Variants in KIAA1755 observed in about 807,000 individuals in gnomAD.
KIAA1755 encodes the protein KIAA1755.
Under a neutral mutation model 91.7 loss-of-function variants are expected in KIAA1755, and 68 were observed. The observed-to-expected ratio is 0.74, with a 90% CI of 0.61 to 0.91. KIAA1755 has a LOEUF of 0.91. Ranked by LOEUF, KIAA1755 falls within the 40% of genes least tolerant of loss-of-function variation. The pLI, the probability that KIAA1755 is intolerant of heterozygous loss-of-function variation, is 0.00. For missense variants in KIAA1755, 1,535 were observed against 1,494.4 expected (o/e 1.03, Z -0.45); for synonymous variants, 610 against 604.6 (o/e 1.01, Z -0.13).
chr20:38,240,761 G>A lies in KIAA1755; in HGVS notation c.1370C>T (p.Pro457Leu). 4.4e-6 allele frequency: 7 copies of A among 1,591,160 alleles called. No individual in the cohort carries two copies. Among genetic ancestry groups the A allele is most frequent in the Non-Finnish European group, 6.0e-6 (7 of 1,167,912 alleles). Reference protein sequence around the residue: ...NGRLPKPMPCPSRNTSSPEPP... With the variant: ...NGRLPKPMPCLSRNTSSPEPP... Reference sequence around the variant, plus strand: ...CTCAGGGGAGGAGGTGTTTCTGCTAGGGCAGGGCATGGGCTTGGGAAGTCT... The same window carrying A: ...CTCAGGGGAGGAGGTGTTTCTGCTAAGGCAGGGCATGGGCTTGGGAAGTCT... The change falls in exon 3 of 14, where the codon CCT becomes CTT. Residue 457 changes from proline (P) to leucine (L), a missense_variant. Transcript: ENST00000279024.
chr20:38,236,722 C>T (rs954571769), intron 4 of KIAA1755: 4 of 152,336 alleles, frequency 2.6e-5, no homozygotes, highest in Non-Finnish European at 4.4e-5. Context: ...CTTGACAAGA[C>T]GTGTCTCAGT....
intron 1 of KIAA1755, among the ~76,000 whole-genome samples, chr20:38,253,286 T>G (rs1278619514): frequency 6.6e-6 from 1 of 152,236 alleles, no homozygotes; most frequent in Non-Finnish European, 1.5e-5. Flanking sequence ...GAGGGACTAC[T>G]TGCTCACAGC....
chr20:38,221,687 T>C (rs1252275206), intron 10 of KIAA1755, among the ~76,000 whole-genome samples: 8 of 152,188 alleles, frequency 5.3e-5, no homozygotes, highest in Admixed American at 4.6e-4. Context: ...GCTGGACACA[T>C]ACAAAGTGCT....
chr20:38,221,233 A>C (rs897041543), intron 10 of KIAA1755, among the ~76,000 whole-genome samples: 3 of 152,222 alleles, frequency 2.0e-5, no homozygotes, highest in Non-Finnish European at 4.4e-5. Flanking sequence ...GACCCGCTGC[A>C]GAACAAACGC....
rs1427507823 is a variant in KIAA1755, at chr20:38,228,183, T to C, written c.1929A>G (p.Pro643=). ...AVLIDARRQP[P]QPGLVSALQA... is the part of the protein sequence containing the mutation. Reference sequence around the variant, plus strand: ...GCAGGGCGCTGACCAGACCGGGCTGTGGGGGCTGTCTCCTGGCGTCAATCA... The same window carrying C: ...GCAGGGCGCTGACCAGACCGGGCTGCGGGGGCTGTCTCCTGGCGTCAATCA... Residue 643 remains proline, a synonymous_variant, in exon 6 of 14, where the codon CCA becomes CCG. Transcript: ENST00000279024. 6.2e-7 allele frequency: 1 copy of C among 1,605,574 alleles called. No individual in the cohort carries two copies. The highest frequency in any genetic ancestry group is 1.7e-5 in the Admixed American group (1 of 58,936).
intron 12 of KIAA1755, chr20:38,217,841 GC>G: frequency 2.8e-6 from 1 of 358,114 alleles, no homozygotes; most frequent in Non-Finnish European, 5.1e-6. Flanking sequence ...CCCCGCCCCC[GC>G]CCCCGCTCCC....
rs140875990 is a variant in KIAA1755, at chr20:38,213,196, C to A, written c.3449G>T (p.Arg1150Leu). The A allele has an allele frequency of 1.6e-5, 26 of 1,613,568 alleles. No homozygotes were observed. Among genetic ancestry groups the A allele is most frequent in the Non-Finnish European group, 2.1e-5 (25 of 1,180,012 alleles). ...KGSHKLPDPA[R>L]EHLLATTFFR... The stretch of plus-strand genomic sequence containing the variant: ...GAAGGTGGTGGCAAGCAAATGCTCG[C>A]GGGCAGGGTCAGGCAGCTTGTGGGA... Residue 1150 changes from arginine to leucine, a missense_variant, in exon 14 of 14, where the codon CGC becomes CTC. Arg to Leu is a moderately radical substitution (Grantham distance 102, BLOSUM62 -2). Coordinates refer to ENST00000279024, the MANE Select transcript of KIAA1755 (RefSeq NM_001029864.2).
intron 1 of KIAA1755, among the ~76,000 whole-genome samples, chr20:38,251,077 G>A (rs548308554): frequency 5.6e-4 from 85 of 151,820 alleles, no homozygotes; most frequent in Non-Finnish European, 1.0e-3. Context: ...CTTATATAAA[G>A]TATATTTTTT....
At chr20:38,254,914 T>G (rs2076313906) in intron 1 of KIAA1755, among the ~76,000 whole-genome samples, 1 of 152,134 alleles carries the variant, frequency 6.6e-6, no homozygotes. Context: ...CGGTGGCTCA[T>G]GCCTGTAATC....
In KIAA1755 at chr20:38,260,507, G is replaced by A. The variant is rs771523901; in HGVS notation, c.-7C>T. 1.4e-6 allele frequency: 2 copies of A among 1,480,806 alleles called. No individual in the cohort carries two copies. The highest frequency in any genetic ancestry group is 1.8e-6 in the Non-Finnish European group (2 of 1,117,700). The allele number at this position is 1,480,806 out of a possible 1,614,324, so 91.7% of individuals were successfully genotyped here. A position where few individuals can be genotyped will look rare whatever the true frequency, so the allele number is the denominator to read the frequency against. ...GGCCTTGGCGCGTTACCATGGTGAC[G>A]GGCTGCCAGCGGCGGGCGGCGCGGC... is the stretch of plus-strand genomic sequence containing the variant. On this transcript the variant is annotated 5_prime_UTR_variant, in exon 1 of 14. Transcript: ENST00000279024.
chr20:38,247,125 G>A lies in KIAA1755; in HGVS notation c.4-999C>T, dbSNP rs545753477. Among the ~76,000 whole-genome samples the A allele has an allele frequency of 2.5e-4, 38 of 152,228 alleles. No homozygotes were observed. The South Asian group carries it at 4.1e-3, about 17-fold the overall frequency. On this transcript the variant is annotated intron_variant, in intron 1 of 13. Transcript: ENST00000279024. The stretch of plus-strand genomic sequence containing the variant: ...TCCTCTCTTTGGCTGCCAAATTCTC[G>A]TCTGCCTCACCCCAGCCATTTTCCA...
At chr20:38,222,314 C>CA (rs1214809986) in intron 10 of KIAA1755, 135 bp downstream of exon 10, 11 of 888,268 alleles carry the variant, frequency 1.2e-5, no homozygotes, top group Non-Finnish European at 1.4e-5. Flanking sequence ...GCCTGGGATA[C>CA]AGGCCCTGCA....
At chr20:38,235,415 G>T (rs750852184) in intron 4 of KIAA1755, among the ~76,000 whole-genome samples, 15 of 152,176 alleles carry the variant, frequency 9.9e-5, no homozygotes, top group Middle Eastern at 3.4e-3. Context: ...TGTGATGAAG[G>T]GCAGGACCTT....
Position 38,212,319 on chromosome 20 carries a change from G to GC in KIAA1755, c.*722_*723insG, listed in dbSNP as rs201206039. 2.0e-5 allele frequency: 3 copies of GC among 151,562 alleles called. No homozygotes were observed. The highest frequency in any genetic ancestry group is 2.9e-5 in the Non-Finnish European group (2 of 68,010). 9.4% of individuals were successfully genotyped at this position (151,562 alleles called of 1,614,324 possible). ...GACCCTGTCTCTGGTGGGGTCGGGG[G>GC]GGGTGGGCGGAAAAGGCAATCCCAG... On this transcript the variant is annotated 3_prime_UTR_variant, in exon 14 of 14. Coordinates refer to ENST00000279024, the MANE Select transcript of KIAA1755 (RefSeq NM_001029864.2).
At chr20:38,225,557 A>G in intron 8 of KIAA1755, 108 bp downstream of exon 8, 1 of 805,184 alleles carries the variant, frequency 1.2e-6, no homozygotes, top group South Asian at 1.4e-5. Context: ...TTGTTGAGTG[A>G]CCGTTTATTT....
chr20:38,226,575 G>A (rs949810068), intron 7 of KIAA1755, among the ~76,000 whole-genome samples: 2 of 152,194 alleles, frequency 1.3e-5, no homozygotes. Context: ...GGAGGAAGGA[G>A]AGTTTTAAAA....
Position 38,241,706 on chromosome 20 carries a change from G to A in KIAA1755, c.425C>T (p.Pro142Leu). 1 of 1,614,218 alleles carries A rather than the reference G, an allele frequency of 6.2e-7. No individual in the cohort carries two copies. The highest frequency in any genetic ancestry group is 2.2e-5 in the East Asian group (1 of 44,880). The change falls in exon 3 of 14, where the codon CCT becomes CTT. Residue 142 changes from proline (P) to leucine (L), a missense_variant. By Grantham distance (98) the Pro-to-Leu change is moderately conservative. Transcript: ENST00000279024. ...DKKPVPEPAY[P>L]ILFTQEWLEA... Reference sequence around the variant, plus strand: ...CAGCCATTCTTGGGTGAAAAGTATAGGGTAGGCTGGCTCTGGAACAGGCTT... The same window carrying A: ...CAGCCATTCTTGGGTGAAAAGTATAAGGTAGGCTGGCTCTGGAACAGGCTT...
intron 1 of KIAA1755, among the ~76,000 whole-genome samples, chr20:38,252,858 C>T (rs1465954937): frequency 2.6e-5 from 4 of 152,142 alleles, no homozygotes; most frequent in African/African-American, 9.7e-5. Flanking sequence ...GCTCATAAGC[C>T]ATCCAAGTAT....
intron 7 of KIAA1755, 137 bp downstream of exon 7, chr20:38,227,017 G>A (rs910358895): frequency 2.0e-5 from 12 of 605,368 alleles, no homozygotes; most frequent in East Asian, 1.8e-4. Flanking sequence ...CTTAGGCCTC[G>A]TATTTATTGC....
Sources: allele counts gnomAD v4.1 joint callset (sites outside exome capture counted in the v4.1 genomes callset), GRCh38; gene constraint gnomAD v4.1.1; transcripts MANE v1.5; gene names NCBI Gene and HGNC (gene_info 2026-07-23, HGNC 2026-07-21).